SRGAP3: variants seen among roughly 807,000 people sequenced by gnomAD.
SRGAP3 encodes the protein SLIT-ROBO Rho GTPase activating protein 3.
Under a neutral mutation model 121.1 loss-of-function variants are expected in SRGAP3, and 39 were observed. That is an observed-to-expected ratio of 0.32 (90% CI 0.25 to 0.42). The LOEUF (loss-of-function observed/expected upper bound fraction) is 0.42. SRGAP3 is among the 10% of genes least tolerant of loss of function. The probability of loss-of-function intolerance (pLI) is 1.00; values close to 1 mark genes in which losing one functional copy is unlikely to be tolerated. For synonymous variants in SRGAP3, 601 were observed against 570.0 expected, an observed-to-expected ratio of 1.05 and a Z score of -0.77; for missense variants, 1,213 against 1,470.6, an observed-to-expected ratio of 0.82 and a Z score of 2.86.
At chr3:9,316,683 C>T (rs561575167) in intron 3 of SRGAP3, among the ~76,000 whole-genome samples, 25 of 152,192 alleles carry the variant, frequency 1.6e-4, no homozygotes, top group African/African-American at 5.8e-4. Context: ...ATATAGCAAT[C>T]TCATATAATT....
At chr3:9,268,430 T>C (rs1559252222) in intron 3 of SRGAP3, among the ~76,000 whole-genome samples, 2 of 152,096 alleles carry the variant, frequency 1.3e-5, no homozygotes. Flanking sequence ...AGAACCTAGC[T>C]GGCCTCTAAA....
intron 12 of SRGAP3, among the ~76,000 whole-genome samples, chr3:9,031,609 A>AC (rs982213487): frequency 1.3e-5 from 2 of 151,668 alleles, no homozygotes; most frequent in African/African-American, 4.8e-5. Flanking sequence ...GGTCCTGCTT[A>AC]CCCCCTCCCC....
intron 1 of SRGAP3, chr3:9,350,188 A>T (rs2030043760): frequency 6.6e-6 from 1 of 152,254 alleles, no homozygotes; most frequent in South Asian, 2.1e-4. Context: ...CTTTACGTGC[A>T]CAATTTAATT....
At chr3:8,992,403 CAT>C (rs1190260968) in intron 20 of SRGAP3, among the ~76,000 whole-genome samples, 1 of 152,200 alleles carries the variant, frequency 6.6e-6, no homozygotes, top group African/African-American at 2.4e-5. Context: ...CTGGCCCACA[CAT>C]AGGGAGCGAA....
intron 3 of SRGAP3, among the ~76,000 whole-genome samples, chr3:9,300,880 T>A (rs144720645): frequency 9.7e-4 from 147 of 152,272 alleles, no homozygotes; most frequent in African/African-American, 3.2e-3. Flanking sequence ...GTCTGGGCTA[T>A]GCTGAGGTTG....
intron 3 of SRGAP3, among the ~76,000 whole-genome samples, chr3:9,085,307 G>C (rs1947415317): frequency 6.6e-6 from 1 of 152,194 alleles, no homozygotes; most frequent in African/African-American, 2.4e-5. Context: ...TCTCAACTCA[G>C]ACAGCTCTGA....
At chr3:9,356,097 C>G (rs535946671) in intron 1 of SRGAP3, among the ~76,000 whole-genome samples, 1 of 152,058 alleles carries the variant, frequency 6.6e-6, no homozygotes, top group African/African-American at 2.4e-5. Flanking sequence ...ACTTTGGTGG[C>G]ACACATTCAA....
At chr3:9,038,138 T>G in intron 10 of SRGAP3, 48 bp from the exon 11 acceptor site, 1 of 1,611,694 alleles carries the variant, frequency 6.2e-7, no homozygotes, top group Non-Finnish European at 8.5e-7. Context: ...TTCTTTTTAA[T>G]CCAAAGAACA....
At chr3:9,123,871 G>A (rs911273472) in intron 2 of SRGAP3, among the ~76,000 whole-genome samples, 1 of 151,348 alleles carries the variant, frequency 6.6e-6, no homozygotes, top group Non-Finnish European at 1.5e-5. Context: ...AAAGCAAGTC[G>A]CTGATCTCCT....
At chr3:9,158,886 C>T (rs779679699) in intron 1 of SRGAP3, among the ~76,000 whole-genome samples, 3 of 152,188 alleles carry the variant, frequency 2.0e-5, no homozygotes, top group Non-Finnish European at 2.9e-5. Context: ...GAAACATAGC[C>T]GTGGGCTGAC....
intron 18 of SRGAP3, among the ~76,000 whole-genome samples, chr3:8,995,501 A>G (rs1265153324): frequency 1.3e-5 from 2 of 152,164 alleles, no homozygotes. Context: ...AAGTTCTTGT[A>G]CAAAAGGGCA....
At chr3:9,253,005 T>G (rs1025408486), upstream of SRGAP3, among the ~76,000 whole-genome samples, 2 of 152,244 alleles carry the variant, frequency 1.3e-5, no homozygotes, top group Non-Finnish European at 2.9e-5. Flanking sequence ...TGATAGCTAG[T>G]ATTTACCAAG....
chr3:9,306,247 T>G (rs1461123235), intron 3 of SRGAP3, among the ~76,000 whole-genome samples: 1 of 152,224 alleles, frequency 6.6e-6, no homozygotes, highest in Non-Finnish European at 1.5e-5. Flanking sequence ...TTTGCCCACT[T>G]TTTGATGGGG....
chr3:9,129,804 C>G (rs1322469731), intron 1 of SRGAP3, among the ~76,000 whole-genome samples: 1 of 151,810 alleles, frequency 6.6e-6, no homozygotes, highest in Non-Finnish European at 1.5e-5. Context: ...CTCTGTCGCC[C>G]AGGCTGGAGT....
chr3:9,205,601 G>A (rs1298762172), intron 1 of SRGAP3, among the ~76,000 whole-genome samples: 1 of 152,210 alleles, frequency 6.6e-6, no homozygotes, highest in Non-Finnish European at 1.5e-5. Flanking sequence ...CCTGCCTCCT[G>A]GTCCTATGTG....
At chr3:9,358,223 C>A (rs1023027094) in intron 1 of SRGAP3, among the ~76,000 whole-genome samples, 1 of 151,924 alleles carries the variant, frequency 6.6e-6, no homozygotes, top group Non-Finnish European at 1.5e-5. Context: ...CCCCCTTTAG[C>A]TATCACCTGC....
At chr3:9,064,625 C>T (rs1230243699) in intron 4 of SRGAP3, 44 bp from the exon 5 acceptor site, 19 of 1,610,074 alleles carry the variant, frequency 1.2e-5, no homozygotes, top group Non-Finnish European at 1.6e-5. Context: ...AGCTATGGCC[C>T]AGCACGGCCC....
intron 1 of SRGAP3, among the ~76,000 whole-genome samples, chr3:9,177,557 CAAAGGTCTCCATGATCTTAATACAGTTG>C (rs371932163): frequency 3.1e-4 from 47 of 152,256 alleles, no homozygotes; most frequent in African/African-American, 1.1e-3. Context: ...CATGTATACT[CAAAGGTCTCCATGATCTTAATACAGTTG>C]AGAGGAGCTC....
At chr3:9,167,793 CA>C (rs930588951) in intron 1 of SRGAP3, among the ~76,000 whole-genome samples, 6 of 152,356 alleles carry the variant, frequency 3.9e-5, no homozygotes, top group Admixed American at 1.3e-4. Context: ...TACTTCTACA[CA>C]AGAGCCCAGC....
Sources: gnomAD v4.1 joint callset for allele counts (sites outside exome capture counted in the v4.1 genomes callset) on GRCh38, gnomAD v4.1.1 for gene constraint, MANE v1.5 for transcripts, NCBI Gene and HGNC (gene_info 2026-07-23, HGNC 2026-07-21) for gene names.